POU6F2: variants seen among roughly 807,000 people sequenced by gnomAD.
POU6F2 encodes POU class 6 homeobox 2.
POU6F2 carries 31 observed loss-of-function variants against 71.3 expected under a neutral mutation model. The ratio of observed to expected loss-of-function variants is 0.43; its 90% CI spans 0.33 to 0.59. POU6F2 has a LOEUF of 0.59. Among genes scored for constraint, POU6F2 ranks in the 20% least tolerant of loss-of-function variants. POU6F2 has a pLI of 0.04. For missense variants in POU6F2, 783 were observed against 856.8 expected (o/e 0.91, Z 1.07); for synonymous variants, 347 against 355.7 (o/e 0.98, Z 0.27).
rs765882583 is a variant in POU6F2, at chr7:39,389,416, C to G, written c.973-17184C>G. The stretch of plus-strand genomic sequence containing the variant: ...TACTTTGGTTATATCCAAAGTTTCT[C>G]AGAAACTGGATATAAACTTCTTCAG... On this transcript the variant is annotated intron_variant, in intron 5 of 9. Transcript: ENST00000518318. Among the ~76,000 whole-genome samples the G allele has an allele frequency of 5.8e-4, 88 of 152,182 alleles. 1 individual carries two copies. Among genetic ancestry groups the G allele is most frequent in the Middle Eastern group, 3.4e-3 (1 of 294 alleles).
At chr7:39,238,008 A>C (rs1794704716) in intron 4 of POU6F2, among the ~76,000 whole-genome samples, 1 of 152,120 alleles carries the variant, frequency 6.6e-6, no homozygotes, top group South Asian at 2.1e-4. Flanking sequence ...TGAGATGTGA[A>C]TGAAAGCTGT....
intron 2 of POU6F2, among the ~76,000 whole-genome samples, chr7:39,129,289 T>G (rs1792207000): frequency 6.6e-6 from 1 of 152,224 alleles, no homozygotes; most frequent in Non-Finnish European, 1.5e-5. Flanking sequence ...AAATTCTGCC[T>G]ATCTTGTTCA....
At chr7:39,192,642 C>T (rs1388250177) in intron 2 of POU6F2, among the ~76,000 whole-genome samples, 2 of 152,190 alleles carry the variant, frequency 1.3e-5, no homozygotes, top group Non-Finnish European at 2.9e-5. Flanking sequence ...CTTCCTTGGG[C>T]ATCCTCCCAG....
chr7:39,278,450 G>C (rs1247777053), intron 4 of POU6F2, among the ~76,000 whole-genome samples: 1 of 152,122 alleles, frequency 6.6e-6, no homozygotes, highest in Non-Finnish European at 1.5e-5. Flanking sequence ...CTTCCACTCT[G>C]TTCTTCATGA....
chr7:39,006,746 T>A (rs1382401911), intron 1 of POU6F2: 3 of 1,113,480 alleles, frequency 2.7e-6, no homozygotes, highest in Non-Finnish European at 4.1e-6. Flanking sequence ...AATGTTGGGG[T>A]TTTCTTCTAG....
At chr7:39,293,415 T>C (rs1357028037) in intron 4 of POU6F2, among the ~76,000 whole-genome samples, 3 of 152,178 alleles carry the variant, frequency 2.0e-5, no homozygotes, top group African/African-American at 7.2e-5. Flanking sequence ...TAGAAAGATG[T>C]AGTTATCTGC....
At chr7:39,257,345 A>C (rs1043630818) in intron 4 of POU6F2, among the ~76,000 whole-genome samples, 3 of 151,920 alleles carry the variant, frequency 2.0e-5, no homozygotes, top group African/African-American at 7.3e-5. Context: ...CCTAGTTAGA[A>C]TTTCAAATTA....
intron 1 of POU6F2, among the ~76,000 whole-genome samples, chr7:39,019,994 G>C (rs1281137378): frequency 6.6e-6 from 1 of 152,098 alleles, no homozygotes; most frequent in Non-Finnish European, 1.5e-5. Context: ...GAAGAAGTAA[G>C]ATAATTATTA....
chr7:39,015,991 A>ATATATTATATATATT (rs1562671057), intron 1 of POU6F2, among the ~76,000 whole-genome samples: 8,085 of 18,764 alleles, frequency 0.43, 3,373 homozygotes, highest in East Asian at 0.63. Flanking sequence ...AGATATATAT[A>ATATATTATATATATT]ATATATAGAT....
chr7:39,433,814 A>G (rs1164463832), intron 7 of POU6F2, among the ~76,000 whole-genome samples: 2 of 152,204 alleles, frequency 1.3e-5, no homozygotes, highest in Admixed American at 1.3e-4. Flanking sequence ...TATTTGTGCT[A>G]GAGATTGGGT....
chr7:39,139,268 C>T (rs1029501935), intron 2 of POU6F2, among the ~76,000 whole-genome samples: 1 of 152,090 alleles, frequency 6.6e-6, no homozygotes. Flanking sequence ...TAACTTTGCT[C>T]GTGTATAATT....
At chr7:39,207,951 A>G (rs1274521023) in intron 4 of POU6F2, among the ~76,000 whole-genome samples, 3 of 152,258 alleles carry the variant, frequency 2.0e-5, no homozygotes. Context: ...CTGAGTTATC[A>G]TCTCACCAAT....
intron 5 of POU6F2, among the ~76,000 whole-genome samples, chr7:39,374,262 G>A (rs1049054097): frequency 3.9e-5 from 6 of 152,270 alleles, no homozygotes; most frequent in African/African-American, 1.2e-4. Flanking sequence ...CCCAGAGAAC[G>A]TACACAAGCT....
At chr7:39,097,227 C>A (rs1791473927) in intron 2 of POU6F2, among the ~76,000 whole-genome samples, 1 of 152,094 alleles carries the variant, frequency 6.6e-6, no homozygotes, top group African/African-American at 2.4e-5. Flanking sequence ...TGTCAAAATT[C>A]ATCACATTTC....
chr7:39,166,240 G>T (rs1793113408), intron 2 of POU6F2, among the ~76,000 whole-genome samples: 1 of 152,108 alleles, frequency 6.6e-6, no homozygotes, highest in South Asian at 2.1e-4. Context: ...TTTCAAACAA[G>T]GATTCCACAG....
rs540504481 is a variant in POU6F2 at position 39,158,612 on chromosome 7, G to A, written c.278-45623G>A. ...GAAATCCCAGAGTCCAAAGGCCAGA[G>A]AACCTGAAGTTCTCATATCCAAGGG... On this transcript the variant is annotated intron_variant, in intron 2 of 9. Transcript: ENST00000518318. 3.3e-5 allele frequency among the ~76,000 whole-genome samples: 5 copies of A among 152,260 alleles called. No individual in the cohort carries two copies. The East Asian group carries it at 5.8e-4, about 18-fold the overall frequency.
chr7:39,452,806 AGGTAGGC>A (rs1223613218), intron 8 of POU6F2, among the ~76,000 whole-genome samples: 3 of 152,262 alleles, frequency 2.0e-5, no homozygotes, highest in Non-Finnish European at 4.4e-5. Flanking sequence ...TAAAATGCCC[AGGTAGGC>A]CGGGCACAGT....
At chr7:39,154,865 G>A (rs886140426) in intron 2 of POU6F2, among the ~76,000 whole-genome samples, 5 of 152,162 alleles carry the variant, frequency 3.3e-5, no homozygotes, top group African/African-American at 1.2e-4. Context: ...GAAGGTGGCT[G>A]TGTTTCTGTA....
chr7:39,349,176 G>A (rs987103549), intron 5 of POU6F2, among the ~76,000 whole-genome samples: 8 of 152,184 alleles, frequency 5.3e-5, no homozygotes, highest in African/African-American at 1.4e-4. Context: ...TTAAAACTAA[G>A]GCAAGAGACG....
Sources: gnomAD v4.1 joint callset for allele counts (sites outside exome capture counted in the v4.1 genomes callset) on GRCh38, gnomAD v4.1.1 for gene constraint, MANE v1.5 for transcripts, NCBI Gene and HGNC (gene_info 2026-07-23, HGNC 2026-07-21) for gene names.